Variants in PPM1H observed in about 807,000 individuals in gnomAD.
The protein encoded by PPM1H is protein phosphatase 1H.
Under a neutral mutation model 54.9 loss-of-function variants are expected in PPM1H, and 27 were observed. The ratio of observed to expected loss-of-function variants is 0.49; its 90% CI spans 0.36 to 0.68. The LOEUF (loss-of-function observed/expected upper bound fraction) is 0.68, where lower values mean the gene tolerates loss of function less well. Ranked by LOEUF, PPM1H falls within the 30% of genes least tolerant of loss-of-function variation. PPM1H has a pLI of 0.00. For missense variants in PPM1H, 596 were observed against 667.8 expected (o/e 0.89, Z 1.19); for synonymous variants, 305 against 270.8 (o/e 1.13, Z -1.24).
At chr12:62,649,428 C>T (rs1014652025) in intron 9 of PPM1H, among the ~76,000 whole-genome samples, 3 of 152,234 alleles carry the variant, frequency 2.0e-5, no homozygotes, top group Middle Eastern at 3.4e-3. Flanking sequence ...AGGAGAAAGA[C>T]TAACTTGGGA....
At chr12:62,762,212 C>T (rs1356971465) in intron 4 of PPM1H, among the ~76,000 whole-genome samples, 1 of 152,214 alleles carries the variant, frequency 6.6e-6, no homozygotes, top group Non-Finnish European at 1.5e-5. Flanking sequence ...GCACAAAGCT[C>T]TGTGATTAGA....
chr12:62,705,783 A>T (rs2076169867), intron 6 of PPM1H, among the ~76,000 whole-genome samples: 1 of 152,246 alleles, frequency 6.6e-6, no homozygotes, highest in Admixed American at 6.5e-5. Flanking sequence ...GAGACCATTT[A>T]TTCTGAAATA....
At chr12:62,839,790 C>T (rs932843540) in intron 1 of PPM1H, among the ~76,000 whole-genome samples, 1 of 151,202 alleles carries the variant, frequency 6.6e-6, no homozygotes, top group African/African-American at 2.4e-5. Flanking sequence ...GTAATCCCAG[C>T]ACTTTGGGAG....
chr12:62,776,253 T>G (rs1052419766), intron 4 of PPM1H, among the ~76,000 whole-genome samples: 4 of 152,180 alleles, frequency 2.6e-5, no homozygotes, highest in African/African-American at 7.2e-5. Flanking sequence ...ACATTTTGCC[T>G]CACCTCCTTC....
At chr12:62,774,230 T>C (rs1453580195) in intron 4 of PPM1H, among the ~76,000 whole-genome samples, 2 of 152,182 alleles carry the variant, frequency 1.3e-5, no homozygotes, top group African/African-American at 4.8e-5. Flanking sequence ...TTTCCAACTG[T>C]TATGCAGTTT....
rs552777897 is a variant in PPM1H at position 62,911,392 on chromosome 12, CTG to C, written c.245+23098_245+23099del. Among the ~76,000 whole-genome samples the C allele has an allele frequency of 5.0e-3, 767 of 152,300 alleles. 6 individuals carry two copies. Among genetic ancestry groups the C allele is most frequent in the Middle Eastern group, 0.01 (3 of 294 alleles). On this transcript the variant is annotated intron_variant, in intron 1 of 9. Transcript: ENST00000228705. ...TTTAAATTAAAGGTAGAGCTCAAAACTGTTAGTTTTTCTTGCATATCAGATTT... is the reference window on the plus strand; with the variant it reads ...TTTAAATTAAAGGTAGAGCTCAAAACTTAGTTTTTCTTGCATATCAGATTT...
intron 1 of PPM1H, among the ~76,000 whole-genome samples, chr12:62,899,539 A>G (rs74433561): frequency 0.028 from 4,212 of 152,346 alleles, 232 homozygotes; most frequent in African/African-American, 0.097. Context: ...TTTAAAAAGG[A>G]TGCACTTTGA....
rs560911347 is a variant in PPM1H, at chr12:62,871,923, T to A, written c.246-39644A>T. On this transcript the variant is annotated intron_variant, in intron 1 of 9. Transcript: ENST00000228705. ...GATGGCACAGGGCAGGTCTGTGGCA[T>A]CTGTAACTCTTACAGTGGGTCACAG... 2.0e-5 allele frequency among the ~76,000 whole-genome samples: 3 copies of A among 152,334 alleles called. No homozygotes were observed. In the South Asian group the frequency reaches 6.2e-4, roughly 32 times the overall value.
intron 1 of PPM1H, among the ~76,000 whole-genome samples, chr12:62,842,340 T>G (rs1014092108): frequency 6.6e-6 from 1 of 152,084 alleles, no homozygotes; most frequent in East Asian, 1.9e-4. Context: ...AAACAAAAAA[T>G]TTTTTTGAAA....
chr12:62,670,201 T>A (rs1436225900), intron 8 of PPM1H, among the ~76,000 whole-genome samples: 2 of 151,924 alleles, frequency 1.3e-5, no homozygotes, highest in East Asian at 3.9e-4. Context: ...GGTCTCGAAC[T>A]CCCGACCTCA....
intron 9 of PPM1H, chr12:62,659,269 C>CAAAAAAAAAAAAAAAAAAACA (rs2075867123): frequency 1.1e-5 from 1 of 90,798 alleles, no homozygotes; most frequent in South Asian, 2.6e-4. Flanking sequence ...GTAAAAACTG[C>CAAAAAAAAAAAAAAAAAAACA]AAAAAAAAAA....
chr12:62,862,290 T>C (rs2120973918), intron 1 of PPM1H, among the ~76,000 whole-genome samples: 1 of 152,308 alleles, frequency 6.6e-6, no homozygotes, highest in South Asian at 2.1e-4. Flanking sequence ...GGTCAGAAGA[T>C]GACAGTGAGA....
intron 5 of PPM1H, among the ~76,000 whole-genome samples, chr12:62,726,054 C>T (rs751750319): frequency 2.0e-5 from 3 of 152,130 alleles, no homozygotes; most frequent in Non-Finnish European, 2.9e-5. Flanking sequence ...ATTTTTACCA[C>T]TCTCTCTTTT....
chr12:62,850,345 C>A (rs1053000421), intron 1 of PPM1H, among the ~76,000 whole-genome samples: 3 of 152,030 alleles, frequency 2.0e-5, no homozygotes, highest in Non-Finnish European at 4.4e-5. Context: ...TAAAGATTTA[C>A]TGATAATTTA....
intron 1 of PPM1H, among the ~76,000 whole-genome samples, chr12:62,837,304 C>A (rs1351222669): frequency 6.6e-6 from 1 of 152,214 alleles, no homozygotes; most frequent in African/African-American, 2.4e-5. Flanking sequence ...TAAACACAGA[C>A]AAAGTAAGTA....
At chr12:62,806,350 T>C (rs2076805136) in intron 2 of PPM1H, among the ~76,000 whole-genome samples, 1 of 152,188 alleles carries the variant, frequency 6.6e-6, no homozygotes, top group Non-Finnish European at 1.5e-5. Flanking sequence ...AACCAATATG[T>C]GATTTGAGCA....
chr12:62,724,964 A>AT (rs1243032340), intron 5 of PPM1H, among the ~76,000 whole-genome samples: 1 of 152,200 alleles, frequency 6.6e-6, no homozygotes, highest in Non-Finnish European at 1.5e-5. Flanking sequence ...TTTTCCACAC[A>AT]GAAGTGTTGT....
chr12:62,704,650 G>A lies in PPM1H; in HGVS notation c.1074-10651C>T, dbSNP rs182756871. On this transcript the variant is annotated intron_variant, in intron 6 of 9. Transcript: ENST00000228705. Reference sequence around the variant, plus strand: ...CAAATAGTACCTTTGAATTGTGAGTGTGATTAATATTTGGTGATAAACAGA... The same window carrying A: ...CAAATAGTACCTTTGAATTGTGAGTATGATTAATATTTGGTGATAAACAGA... 2.8e-3 allele frequency among the ~76,000 whole-genome samples: 431 copies of A among 152,308 alleles called. 5 individuals are homozygous for A. Among genetic ancestry groups the A allele is most frequent in the Non-Finnish European group, 5.3e-4 (36 of 68,030 alleles).
intron 1 of PPM1H, among the ~76,000 whole-genome samples, chr12:62,851,959 C>T (rs569855668): frequency 1.0e-3 from 151 of 150,648 alleles, no homozygotes; most frequent in African/African-American, 3.4e-3. Context: ...GATGGCCGGG[C>T]GCGGTGGCTC....
Sources: allele counts gnomAD v4.1 joint callset (sites outside exome capture counted in the v4.1 genomes callset), GRCh38; gene constraint gnomAD v4.1.1; transcripts MANE v1.5; gene names NCBI Gene and HGNC (gene_info 2026-07-23, HGNC 2026-07-21).